NINL: variants seen among roughly 807,000 people sequenced by gnomAD.
NINL encodes ninein like, also known as ninein-like protein.
A neutral mutation model predicts 160.3 loss-of-function variants in NINL; 153 were observed. The ratio of observed to expected loss-of-function variants is 0.95; its 90% confidence interval spans 0.84 to 1.09. NINL has a LOEUF of 1.09. Ranked by LOEUF, NINL falls within the 50% of genes least tolerant of loss-of-function variation. The pLI is 0.00. For synonymous variants in NINL, 800 were observed against 734.8 expected, an observed-to-expected ratio of 1.09 and a Z score of -1.43; for missense variants, 1,829 against 1,764.0, an observed-to-expected ratio of 1.04 and a Z score of -0.66.
In NINL at chr20:25,476,760, C is replaced by T; in HGVS notation, c.2531G>A (p.Arg844His). ...GCCCGGACGCAGTGGTAGGAGGCCA[C>T]GTGTGCCCTCCTGGCCACTTCCTGC... ...LVAGSGQEGT[R>H]GLLPLRPGCG... Residue 844 changes from arginine to histidine, a missense_variant, in exon 17 of 24, where the codon CGT (arginine) becomes CAT (histidine). Coordinates refer to ENST00000278886, the MANE Select transcript of NINL (RefSeq NM_025176.6). 7 of 1,610,034 alleles carry T rather than the reference C, an allele frequency of 4.3e-6. No individual in the cohort carries two copies. In the South Asian group the frequency reaches 6.6e-5, roughly 15 times the overall value.
At chr20:25,562,770 A>AT (rs1377406683) in intron 1 of NINL, among the ~76,000 whole-genome samples, 2 of 151,050 alleles carry the variant, frequency 1.3e-5, no homozygotes, top group African/African-American at 4.9e-5. Flanking sequence ...AGAATGATCA[A>AT]TAAAAAAAAA....
chr20:25,504,563 G>C (rs2063926929), intron 6 of NINL, among the ~76,000 whole-genome samples: 1 of 152,202 alleles, frequency 6.6e-6, no homozygotes, highest in South Asian at 2.1e-4. Flanking sequence ...GCCTTGTCTT[G>C]GCTGCGCAGT....
chr20:25,554,380 G>A (rs1360439945), intron 1 of NINL, among the ~76,000 whole-genome samples: 1 of 152,122 alleles, frequency 6.6e-6, no homozygotes, highest in Non-Finnish European at 1.5e-5. Flanking sequence ...GGATAAAAAT[G>A]AACTTTCTGC....
chr20:25,555,906 C>T (rs1249796759), intron 1 of NINL, among the ~76,000 whole-genome samples: 3 of 152,020 alleles, frequency 2.0e-5, no homozygotes, highest in Non-Finnish European at 4.4e-5. Flanking sequence ...AACTCCTGAC[C>T]TCAGGTGATA....
rs144282687 is a variant in NINL, at chr20:25,476,494, G to T, written c.2797C>A (p.Leu933Met). ...AGCTCCCGGGCTCCAGGCTGCTCCA[G>T]CCCCGCTGCGCTCGCGCCGAAAGGC... ...PEPFGASAAG[L>M]EQPGARELPL... Residue 933 changes from leucine to methionine, a missense_variant, in exon 17 of 24, where the codon CTG becomes ATG. Transcript: ENST00000278886. The T allele has an allele frequency of 6.2e-7, 1 of 1,604,230 alleles. No homozygotes were observed. The highest frequency in any genetic ancestry group is 1.3e-5 in the African/African-American group (1 of 74,932).
intron 1 of NINL, among the ~76,000 whole-genome samples, chr20:25,539,538 C>A (rs1278077024): frequency 6.6e-6 from 1 of 152,188 alleles, no homozygotes; most frequent in Non-Finnish European, 1.5e-5. Flanking sequence ...ACTCACTACA[C>A]GCTGTAATAC....
chr20:25,509,370 T>A (rs2064025057), intron 5 of NINL, among the ~76,000 whole-genome samples: 1 of 152,312 alleles, frequency 6.6e-6, no homozygotes, highest in Middle Eastern at 3.4e-3. Flanking sequence ...TGCAATGCAG[T>A]CCATCCTAAG....
intron 1 of NINL, among the ~76,000 whole-genome samples, chr20:25,566,911 C>A (rs866797411): frequency 6.6e-6 from 1 of 152,016 alleles, no homozygotes; most frequent in African/African-American, 2.4e-5. Context: ...CCTACCACTT[C>A]GGGAGGTTGA....
rs1284342352 is a variant in NINL at position 25,535,639 on chromosome 20, G to A, written c.-11-9041C>T. On this transcript the variant is annotated intron_variant, in intron 1 of 23. Transcript: ENST00000278886. Reference sequence around the variant, plus strand: ...GAACTGTACACTTAACAATGGTTAAGAGGGTAAATTTCATGTTGTGTTTTT... The same window carrying A: ...GAACTGTACACTTAACAATGGTTAAAAGGGTAAATTTCATGTTGTGTTTTT... 2.6e-5 allele frequency among the ~76,000 whole-genome samples: 4 copies of A among 152,134 alleles called. No homozygotes were observed. The East Asian group carries it at 7.7e-4, about 29-fold the overall frequency.
Position 25,462,486 on chromosome 20 carries a change from C to T in NINL, c.3479G>A (p.Gly1160Glu), listed in dbSNP as rs373635867. Residue 1160 changes from glycine (G) to glutamate (E), a missense_variant, in exon 20 of 24, where the codon GGA becomes GAA. Coordinates refer to ENST00000278886, the MANE Select transcript of NINL (RefSeq NM_025176.6). ...SQLNVRVLQLGQEASTHQAQN... is the reference protein window; with the variant it reads ...SQLNVRVLQLEQEASTHQAQN... The stretch of plus-strand genomic sequence containing the variant: ...GGCCTGGTGGGTAGAAGCCTCCTGT[C>T]CCAGTTGAAGAACCCTGACATTGAG... The T allele has an allele frequency of 1.2e-6, 2 of 1,614,142 alleles. No homozygotes were observed. Among genetic ancestry groups the T allele is most frequent in the South Asian group, 2.2e-5 (2 of 91,086 alleles).
chr20:25,463,048 G>A (rs896924360), intron 19 of NINL, among the ~76,000 whole-genome samples: 5 of 152,168 alleles, frequency 3.3e-5, no homozygotes, highest in African/African-American at 1.2e-4. Context: ...CTGAGGAAAT[G>A]TCTGGCAATG....
rs779613087 is a variant in NINL at position 25,467,446 on chromosome 20, C to T, written c.3366G>A (p.Glu1122=). The T allele has an allele frequency of 8.7e-6, 14 of 1,613,740 alleles. No homozygotes were observed. In the South Asian group the frequency reaches 1.4e-4, roughly 16 times the overall value. ...STHDAQRKEI[E]VLKKDKEKAC... Reference sequence around the variant, plus strand: ...CCTTTTCCTTGTCTTTCTTTAAAACCTCAATTTCCTTCCTGTTGAAGAAGC... The same window carrying T: ...CCTTTTCCTTGTCTTTCTTTAAAACTTCAATTTCCTTCCTGTTGAAGAAGC... Residue 1122 remains glutamate (E), a synonymous_variant, in exon 19 of 24, where the codon GAG becomes GAA. Transcript: ENST00000278886.
In NINL at chr20:25,476,737, C is replaced by T; in HGVS notation, c.2554G>A (p.Gly852Ser). 6.2e-7 allele frequency: 1 copy of T among 1,606,712 alleles called. No homozygotes were observed. Among genetic ancestry groups the T allele is most frequent in the South Asian group, 1.1e-5 (1 of 90,872 alleles). ...CAGGCCAGTGGCCGCTCCCCACAGC[C>T]CGGACGCAGTGGTAGGAGGCCACGT... ...GTRGLLPLRP[G>S]CGERPLAWLA... Residue 852 changes from glycine (G) to serine (S), a missense_variant, in exon 17 of 24, where the codon GGC (glycine) becomes AGC (serine). Gly to Ser is a moderately conservative substitution (Grantham distance 56). Coordinates refer to ENST00000278886, the MANE Select transcript of NINL (RefSeq NM_025176.6).
At chr20:25,541,550 A>G (rs1350549719) in intron 1 of NINL, among the ~76,000 whole-genome samples, 11 of 152,264 alleles carry the variant, frequency 7.2e-5, no homozygotes, top group Non-Finnish European at 5.9e-5. Context: ...TGCTAGGACT[A>G]TAGCTATAGA....
intron 10 of NINL, among the ~76,000 whole-genome samples, chr20:25,494,679 G>A (rs931077962): frequency 3.3e-5 from 5 of 152,180 alleles, no homozygotes; most frequent in Admixed American, 1.3e-4. Flanking sequence ...TGGAGGTGGC[G>A]GCTGCAGGAG....
intron 18 of NINL, among the ~76,000 whole-genome samples, 179 bp from the exon 19 acceptor site, chr20:25,467,637 C>T (rs761167773): frequency 2.0e-5 from 3 of 152,134 alleles, no homozygotes; most frequent in Non-Finnish European, 4.4e-5. Flanking sequence ...CTAATGAAGA[C>T]GACGATCCCG....
At chr20:25,502,678 A>G (rs933287689) in intron 7 of NINL, among the ~76,000 whole-genome samples, 2 of 152,062 alleles carry the variant, frequency 1.3e-5, no homozygotes, top group Admixed American at 6.6e-5. Context: ...CCCTCTTAGT[A>G]CTGACCTCAT....
In NINL at chr20:25,455,687, T is replaced by G; in HGVS notation, c.3943A>C (p.Lys1315Gln). The G allele has an allele frequency of 6.2e-7, 1 of 1,613,444 alleles. No individual in the cohort carries two copies. The highest frequency in any genetic ancestry group is 8.5e-7 in the Non-Finnish European group (1 of 1,179,312). The change falls in exon 23 of 24, where the codon AAG (lysine) becomes CAG (glutamine). Residue 1315 changes from lysine to glutamine, a missense_variant. Lys to Gln is a moderately conservative substitution (Grantham distance 53). Coordinates refer to ENST00000278886, the MANE Select transcript of NINL (RefSeq NM_025176.6). ...MEMLLQEKVD[K>Q]LKEQFEKNTK... is the part of the protein sequence containing the mutation. ...CCATCACTCACCTGCTCCTTCAGCT[T>G]ATCCACTTTCTCTTGGAGGAGCATT...
chr20:25,463,159 G>A (rs539506636), intron 19 of NINL, among the ~76,000 whole-genome samples: 8 of 152,188 alleles, frequency 5.3e-5, no homozygotes, highest in Non-Finnish European at 8.8e-5. Context: ...CCAGTGCCGA[G>A]GACAGAAAGC....
Sources: gnomAD v4.1 joint callset for allele counts (sites outside exome capture counted in the v4.1 genomes callset) on GRCh38, gnomAD v4.1.1 for gene constraint, MANE v1.5 for transcripts, NCBI Gene and HGNC (gene_info 2026-07-23, HGNC 2026-07-21) for gene names.